The following MAP2K5 variants were observed in gnomAD, a reference collection of about 807,000 sequenced individuals.
The protein encoded by MAP2K5 is mitogen-activated protein kinase kinase 5.
A neutral mutation model predicts 83.1 loss-of-function variants in MAP2K5; 49 were observed. The observed-to-expected ratio is 0.59, with a 90% CI of 0.47 to 0.75. The LOEUF (loss-of-function observed/expected upper bound fraction) is 0.75. MAP2K5 is among the 30% of genes least tolerant of loss of function. MAP2K5 has a pLI of 0.00. For missense variants in MAP2K5, 457 were observed against 557.5 expected (o/e 0.82, Z 1.82); for synonymous variants, 202 against 191.8 (o/e 1.05, Z -0.44).
At chr15:67,678,115 A>C (rs2087723939) in intron 13 of MAP2K5, among the ~76,000 whole-genome samples, 1 of 152,260 alleles carries the variant, frequency 6.6e-6, no homozygotes, top group African/African-American at 2.4e-5. Flanking sequence ...AGCATAGTCT[A>C]TACTTAATTG....
At chr15:67,707,240 A>G (rs1209031157) in intron 16 of MAP2K5, among the ~76,000 whole-genome samples, 1 of 152,112 alleles carries the variant, frequency 6.6e-6, no homozygotes, top group Non-Finnish European at 1.5e-5. Flanking sequence ...TTAAGGGTCA[A>G]TATAATGAGA....
At chr15:67,662,836 A>T (rs1183652937) in intron 12 of MAP2K5, among the ~76,000 whole-genome samples, 12 of 152,096 alleles carry the variant, frequency 7.9e-5, no homozygotes, top group South Asian at 2.1e-4. Context: ...CCCTTTTAAT[A>T]CCTTGCCTTG....
intron 3 of MAP2K5, among the ~76,000 whole-genome samples, chr15:67,576,589 A>G (rs2085069154): frequency 1.4e-5 from 2 of 147,590 alleles, no homozygotes; most frequent in South Asian, 4.5e-4. Flanking sequence ...TCCATTAGCA[A>G]TTGCAAAGCT....
intron 2 of MAP2K5, among the ~76,000 whole-genome samples, chr15:67,554,273 G>C (rs1333981711): frequency 6.6e-6 from 1 of 152,036 alleles, no homozygotes; most frequent in Non-Finnish European, 1.5e-5. Flanking sequence ...TGCCCAACCT[G>C]GTCTTGAACT....
At chr15:67,692,814 G>A (rs1274893243) in intron 14 of MAP2K5, among the ~76,000 whole-genome samples, 1 of 152,196 alleles carries the variant, frequency 6.6e-6, no homozygotes, top group East Asian at 1.9e-4. Context: ...TTGATATGCA[G>A]CTTTGATATG....
chr15:67,654,769 G>C (rs932506691), intron 11 of MAP2K5, among the ~76,000 whole-genome samples: 2 of 151,912 alleles, frequency 1.3e-5, no homozygotes, highest in Non-Finnish European at 2.9e-5. Context: ...TATTTTAATA[G>C]TATACAAAAG....
chr15:67,595,247 A>T (rs1022860223), intron 7 of MAP2K5, among the ~76,000 whole-genome samples: 7 of 152,188 alleles, frequency 4.6e-5, no homozygotes, highest in African/African-American at 1.7e-4. Flanking sequence ...CTTTTCTGTC[A>T]CTCAGAGTAA....
chr15:67,699,128 GTTTT>G (rs74409681), intron 15 of MAP2K5, among the ~76,000 whole-genome samples: 1 of 144,236 alleles, frequency 6.9e-6, no homozygotes, highest in Non-Finnish European at 1.5e-5. Context: ...TGCTAGCTAA[GTTTT>G]TTTTTTTTTT....
At chr15:67,704,468 C>A (rs1256890263) in intron 16 of MAP2K5, among the ~76,000 whole-genome samples, 1 of 151,110 alleles carries the variant, frequency 6.6e-6, no homozygotes, top group Non-Finnish European at 1.5e-5. Flanking sequence ...ATTTTGTAAC[C>A]TTTTTTTTTA....
rs146781510 is a variant in MAP2K5 at position 67,785,368 on chromosome 15, G to T, written c.1242+12616G>T. 3.7e-3 allele frequency among the ~76,000 whole-genome samples: 568 copies of T among 152,304 alleles called. 4 individuals are homozygous for T. Among genetic ancestry groups the T allele is most frequent in the African/African-American group, 0.013 (546 of 41,556 alleles). ...GAGCAAAACGTTGTGAGCGAAGAAAGCTGTTTGCGGTTCACATTGCAGCAT... is the reference window on the plus strand; with the variant it reads ...GAGCAAAACGTTGTGAGCGAAGAAATCTGTTTGCGGTTCACATTGCAGCAT... On this transcript the variant is annotated intron_variant, in intron 21 of 21. Coordinates refer to ENST00000178640, the MANE Select transcript of MAP2K5 (RefSeq NM_145160.3). The surrounding 1 kb of genome is among the most constrained non-coding windows in gnomAD (Gnocchi z 4.4).
intron 12 of MAP2K5, 39 bp from the exon 13 acceptor site, chr15:67,664,558 T>A: frequency 7.8e-7 from 1 of 1,274,428 alleles, no homozygotes; most frequent in Non-Finnish European, 1.1e-6. Flanking sequence ...TTAAAAACCA[T>A]AATTGATAAT....
rs906655385 is a variant in MAP2K5, at chr15:67,760,528, C to T, written c.1135-9074C>T. Among the ~76,000 whole-genome samples, 5 of 152,004 alleles carry T rather than the reference C, an allele frequency of 3.3e-5. No individual in the cohort carries two copies. Among genetic ancestry groups the T allele is most frequent in the Non-Finnish European group, 1.5e-5 (1 of 68,004 alleles). Reference sequence around the variant, plus strand: ...TATCCATTTCTTCTTTTTTACTAACCAAAATATTAACATAAACATCCCCAT... The same window carrying T: ...TATCCATTTCTTCTTTTTTACTAACTAAAATATTAACATAAACATCCCCAT... On this transcript the variant is annotated intron_variant, in intron 19 of 21. Coordinates refer to ENST00000178640, the MANE Select transcript of MAP2K5 (RefSeq NM_145160.3). The surrounding 1 kb of genome is among the most constrained non-coding windows in gnomAD (Gnocchi z 4.1).
At position 67,717,774 on chromosome 15, in the gene MAP2K5, C is replaced by T. The variant is rs570675402; in HGVS notation, c.1045-10142C>T. On this transcript the variant is annotated intron_variant, in intron 16 of 21. Transcript: ENST00000178640. This position sits in a 1 kb window ranked among gnomAD's most constrained non-coding sequence, Gnocchi z 4.1. ...GATGGCCAGGAGTGGCTGGGACCCTCCTCTCCCATCTCCCCTTCATGGCTA... is the reference window on the plus strand; with the variant it reads ...GATGGCCAGGAGTGGCTGGGACCCTTCTCTCCCATCTCCCCTTCATGGCTA... Among the ~76,000 whole-genome samples, 29 of 152,266 alleles carry T rather than the reference C, an allele frequency of 1.9e-4. No individual in the cohort carries two copies. The highest frequency in any genetic ancestry group is 7.0e-4 in the African/African-American group (29 of 41,558).
intron 13 of MAP2K5, among the ~76,000 whole-genome samples, chr15:67,678,383 C>G (rs1227053824): frequency 6.6e-6 from 1 of 152,150 alleles, no homozygotes; most frequent in Non-Finnish European, 1.5e-5. Flanking sequence ...AAGTTTATTT[C>G]TGCCTCCATT....
At position 67,732,902 on chromosome 15, in the gene MAP2K5, G is replaced by A. The variant is rs552038030; in HGVS notation, c.1074+4957G>A. Reference sequence around the variant, plus strand: ...AACAAATTGGATGCACCTGAGATTCGGATGATTAGTGTGTTTTGTGAATCT... The same window carrying A: ...AACAAATTGGATGCACCTGAGATTCAGATGATTAGTGTGTTTTGTGAATCT... On this transcript the variant is annotated intron_variant, in intron 17 of 21. Coordinates refer to ENST00000178640, the MANE Select transcript of MAP2K5 (RefSeq NM_145160.3). Among the ~76,000 whole-genome samples, 9 of 152,188 alleles carry A rather than the reference G, an allele frequency of 5.9e-5. No individual in the cohort carries two copies. In the South Asian group the frequency reaches 6.2e-4, roughly 11 times the overall value.
intron 17 of MAP2K5, among the ~76,000 whole-genome samples, chr15:67,742,000 T>C (rs1465298905): frequency 6.6e-6 from 1 of 152,012 alleles, no homozygotes; most frequent in East Asian, 1.9e-4. Context: ...GTTCATGCCA[T>C]TCTCCTGCCT....
In MAP2K5 at chr15:67,749,117, A is replaced by G. The variant is rs1220413347; in HGVS notation, c.1134+516A>G. Among the ~76,000 whole-genome samples, 1 of 152,162 alleles carries G rather than the reference A, an allele frequency of 6.6e-6. No homozygotes were observed. The highest frequency in any genetic ancestry group is 1.5e-5 in the Non-Finnish European group (1 of 68,032). ...GCATTTTTCTCAGAATATGTCCCTA[A>G]CATCTTGTGTATTCTAGTAGCTGGA... On this transcript the variant is annotated intron_variant, in intron 19 of 21. Coordinates refer to ENST00000178640, the MANE Select transcript of MAP2K5 (RefSeq NM_145160.3). The surrounding 1 kb of genome is among the most constrained non-coding windows in gnomAD (Gnocchi z 4.6).
chr15:67,660,223 G>T (rs1481596041), intron 12 of MAP2K5, among the ~76,000 whole-genome samples: 2 of 151,978 alleles, frequency 1.3e-5, no homozygotes, highest in Non-Finnish European at 2.9e-5. Flanking sequence ...CCACGGAAAT[G>T]ATCACCTCCA....
rs1035629846 is a variant in MAP2K5 at position 67,668,896 on chromosome 15, C to T, written c.847+4251C>T. The stretch of plus-strand genomic sequence containing the variant: ...GAACCTGGTTAGTTTCATTTACTTT[C>T]TCCAATAGGAGAACTTTTTAAAAAT... On this transcript the variant is annotated intron_variant, in intron 13 of 21. Transcript: ENST00000178640. This position sits in a 1 kb window ranked among gnomAD's most constrained non-coding sequence, Gnocchi z 4.0. 1.3e-5 allele frequency among the ~76,000 whole-genome samples: 2 copies of T among 151,742 alleles called. No homozygotes were observed. The highest frequency in any genetic ancestry group is 4.8e-5 in the African/African-American group (2 of 41,380).
Sources: gnomAD v4.1 joint callset for allele counts (sites outside exome capture counted in the v4.1 genomes callset) on GRCh38, gnomAD v4.1.1 for gene constraint, Gnocchi (gnomAD v3.1) non-coding constraint, MANE v1.5 for transcripts, NCBI Gene and HGNC (gene_info 2026-07-23, HGNC 2026-07-21) for gene names.